Variants in UCK2 observed in about 807,000 individuals in gnomAD.
UCK2 encodes the protein uridine-cytidine kinase 2, also known as cytidine monophosphokinase 2.
UCK2 carries 6 observed loss-of-function variants against 30.8 expected under a neutral mutation model. The ratio of observed to expected loss-of-function variants is 0.19; its 90% CI spans 0.11 to 0.38. The LOEUF (loss-of-function observed/expected upper bound fraction) is 0.38, where lower values mean the gene tolerates loss of function less well. UCK2 is among the 10% of genes least tolerant of loss of function. The probability of loss-of-function intolerance (pLI) is 1.00; values close to 1 mark genes in which losing one functional copy is unlikely to be tolerated. For missense variants in UCK2, 210 were observed against 339.8 expected, an observed-to-expected ratio of 0.62 and a Z score of 3.00; for synonymous variants, 125 against 133.6, an observed-to-expected ratio of 0.94 and a Z score of 0.45.
intron 1 of UCK2, among the ~76,000 whole-genome samples, chr1:165,858,324 G>T (rs1368653595): frequency 2.0e-5 from 3 of 152,152 alleles, no homozygotes; most frequent in Admixed American, 6.5e-5. Context: ...TCACATGTGG[G>T]CTGGCCAACC....
intron 1 of UCK2, among the ~76,000 whole-genome samples, chr1:165,832,783 G>A (rs1036030132): frequency 2.0e-5 from 3 of 151,906 alleles, no homozygotes; most frequent in Non-Finnish European, 4.4e-5. Flanking sequence ...TAGTGGAGAC[G>A]GGGTTTCACT....
intron 1 of UCK2, among the ~76,000 whole-genome samples, chr1:165,880,591 G>C (rs564375126): frequency 1.1e-4 from 11 of 99,440 alleles, no homozygotes; most frequent in Non-Finnish European, 2.6e-4. Flanking sequence ...GTGTGTGTGT[G>C]TGTGTGTGTG....
chr1:165,875,972 G>C (rs1230536923), intron 1 of UCK2, among the ~76,000 whole-genome samples: 1 of 152,192 alleles, frequency 6.6e-6, no homozygotes, highest in Non-Finnish European at 1.5e-5. Flanking sequence ...CTCGGGCCAG[G>C]TGAAAGGAAG....
intron 1 of UCK2, among the ~76,000 whole-genome samples, chr1:165,889,570 C>G (rs965383066): frequency 6.6e-6 from 1 of 152,108 alleles, no homozygotes; most frequent in Non-Finnish European, 1.5e-5. Flanking sequence ...CTCCTTCCCC[C>G]ACCATCACTG....
At chr1:165,829,139 G>GGCTGGCGCT (rs1653976465) in intron 1 of UCK2, among the ~76,000 whole-genome samples, 1 of 152,176 alleles carries the variant, frequency 6.6e-6, no homozygotes, top group African/African-American at 2.4e-5. Flanking sequence ...CAGACACGGC[G>GGCTGGCGCT]GCTGGCGCTG....
At chr1:165,893,162 G>T (rs1345775023) in intron 3 of UCK2, among the ~76,000 whole-genome samples, 3 of 152,222 alleles carry the variant, frequency 2.0e-5, no homozygotes, top group African/African-American at 7.2e-5. Flanking sequence ...GTGGAACTGA[G>T]CATGGTTGAC....
chr1:165,864,780 A>C (rs576979990), intron 1 of UCK2, among the ~76,000 whole-genome samples: 1 of 152,184 alleles, frequency 6.6e-6, no homozygotes, highest in East Asian at 1.9e-4. Flanking sequence ...CCTGGACTTA[A>C]GTGATCCTCC....
At chr1:165,899,132 C>T (rs903209736) in intron 4 of UCK2, among the ~76,000 whole-genome samples, 1 of 152,190 alleles carries the variant, frequency 6.6e-6, no homozygotes, top group Non-Finnish European at 1.5e-5. Flanking sequence ...GTCACACCCT[C>T]CTGGGCATGT....
chr1:165,888,602 T>C (rs1204278498), intron 1 of UCK2, among the ~76,000 whole-genome samples: 3 of 151,960 alleles, frequency 2.0e-5, no homozygotes, highest in Admixed American at 6.6e-5. Context: ...TATGCTGTTT[T>C]TCCTTTCTAT....
chr1:165,906,999 C>T (rs1405641886), intron 6 of UCK2, among the ~76,000 whole-genome samples: 2 of 152,058 alleles, frequency 1.3e-5, no homozygotes, highest in South Asian at 2.1e-4. Flanking sequence ...ATTTTTGAGG[C>T]GTACAGGCCC....
Position 165,878,335 on chromosome 1 carries a change from C to CT in UCK2, c.100-11856dup, listed in dbSNP as rs35804765. ...GGCTTGCCAGCTCATTTCTTTCTTT[C>CT]TTTTTTTTTTTTTGAGACAGAGTCT... On this transcript the variant is annotated intron_variant, in intron 1 of 6. Transcript: ENST00000367879. Among the ~76,000 whole-genome samples, 672 of 144,030 alleles carry CT rather than the reference C, an allele frequency of 4.7e-3. 4 individuals carry two copies. Among genetic ancestry groups the CT allele is most frequent in the African/African-American group, 0.014 (565 of 39,200 alleles). The allele number at this position is 144,030 out of a possible 152,430, so 94.5% of individuals were successfully genotyped here.
At chr1:165,855,054 A>G (rs1458508770) in intron 1 of UCK2, among the ~76,000 whole-genome samples, 2 of 152,234 alleles carry the variant, frequency 1.3e-5, no homozygotes, top group East Asian at 3.8e-4. Context: ...GAAAATTACC[A>G]TTGCTACATT....
At chr1:165,844,035 C>T (rs1283519122) in intron 1 of UCK2, among the ~76,000 whole-genome samples, 1 of 152,168 alleles carries the variant, frequency 6.6e-6, no homozygotes, top group East Asian at 1.9e-4. Flanking sequence ...GCCTTTATTT[C>T]CTCTCACAGC....
chr1:165,876,255 T>C (rs1655331875), intron 1 of UCK2, among the ~76,000 whole-genome samples: 1 of 152,230 alleles, frequency 6.6e-6, no homozygotes, highest in Admixed American at 6.5e-5. Flanking sequence ...GCCTAGTAAT[T>C]GCTACTCATT....
intron 1 of UCK2, among the ~76,000 whole-genome samples, chr1:165,871,293 GT>G (rs1655190435): frequency 6.6e-6 from 1 of 152,164 alleles, no homozygotes; most frequent in African/African-American, 2.4e-5. Context: ...AAGAAAAATA[GT>G]TTAACAAATG....
At chr1:165,877,892 C>A (rs1655378989) in intron 1 of UCK2, among the ~76,000 whole-genome samples, 1 of 152,134 alleles carries the variant, frequency 6.6e-6, no homozygotes, top group South Asian at 2.1e-4. Flanking sequence ...TCTGATTCCC[C>A]TTGGCCCAAC....
intron 1 of UCK2, among the ~76,000 whole-genome samples, chr1:165,831,482 A>G (rs1298969471): frequency 1.3e-5 from 2 of 152,228 alleles, no homozygotes; most frequent in Non-Finnish European, 2.9e-5. Context: ...CTTTGCCTGC[A>G]TACATATCTG....
At chr1:165,877,554 G>T (rs934505908) in intron 1 of UCK2, among the ~76,000 whole-genome samples, 6 of 152,044 alleles carry the variant, frequency 3.9e-5, no homozygotes, top group Admixed American at 6.5e-5. Flanking sequence ...TTTTTACTCA[G>T]CACAATTCTC....
intron 1 of UCK2, among the ~76,000 whole-genome samples, chr1:165,851,649 G>A (rs1048575066): frequency 3.3e-5 from 5 of 152,010 alleles, no homozygotes; most frequent in Admixed American, 6.6e-5. Flanking sequence ...GGAAAAAAAT[G>A]GGATACATGT....
Sources: gnomAD v4.1 joint callset for allele counts (sites outside exome capture counted in the v4.1 genomes callset) on GRCh38, gnomAD v4.1.1 for gene constraint, MANE v1.5 for transcripts, NCBI Gene and HGNC (gene_info 2026-07-23, HGNC 2026-07-21) for gene names.